The following PPP1R3A variants were observed in gnomAD, a reference collection of about 807,000 sequenced individuals.
PPP1R3A encodes the protein RG1.
A neutral mutation model predicts 41.7 loss-of-function variants in PPP1R3A; 29 were observed. That is an observed-to-expected ratio of 0.70 (90% CI 0.52 to 0.95). The LOEUF is 0.95. PPP1R3A is among the 40% of genes least tolerant of loss of function. The pLI, the probability that PPP1R3A is intolerant of heterozygous loss-of-function variation, is 0.00. For synonymous variants in PPP1R3A, 485 were observed against 453.4 expected, an observed-to-expected ratio of 1.07 and a Z score of -0.89; for missense variants, 1,352 against 1,292.4, an observed-to-expected ratio of 1.05 and a Z score of -0.71.
At chr7:113,892,152 C>A (rs1310777291) in intron 1 of PPP1R3A, among the ~76,000 whole-genome samples, 1 of 151,970 alleles carries the variant, frequency 6.6e-6, no homozygotes, top group Admixed American at 6.6e-5. Context: ...AAGTTCAGAC[C>A]AGCCCTCTTT....
chr7:113,888,031 G>GA (rs1185175380), intron 1 of PPP1R3A, among the ~76,000 whole-genome samples: 254 of 140,306 alleles, frequency 1.8e-3, no homozygotes, highest in Middle Eastern at 0.015. Context: ...CTGTCTCAAG[G>GA]AAAAAAAAAA....
At chr7:113,917,643 ATATACT>A (rs1243327789) in intron 1 of PPP1R3A, among the ~76,000 whole-genome samples, 5 of 152,154 alleles carry the variant, frequency 3.3e-5, no homozygotes, top group East Asian at 1.9e-4. Context: ...TATATCACTG[ATATACT>A]TATGTCTTTC....
intron 1 of PPP1R3A, among the ~76,000 whole-genome samples, chr7:113,891,099 A>AC (rs1562920968): frequency 1.3e-5 from 2 of 148,620 alleles, no homozygotes; most frequent in South Asian, 2.1e-4. Flanking sequence ...AAAAAAAAAA[A>AC]AAAAAAAAAA....
chr7:113,914,426 A>C (rs755550376), intron 1 of PPP1R3A, among the ~76,000 whole-genome samples: 13 of 152,134 alleles, frequency 8.5e-5, no homozygotes, highest in Non-Finnish European at 1.5e-4. Context: ...AAATTTTAAC[A>C]TTCCTAAGTT....
intron 1 of PPP1R3A, among the ~76,000 whole-genome samples, chr7:113,914,002 A>T (rs889302206): frequency 6.6e-6 from 1 of 152,048 alleles, no homozygotes; most frequent in Non-Finnish European, 1.5e-5. Flanking sequence ...CCTGACATAC[A>T]GTTCTTTAGT....
chr7:113,901,396 G>A (rs961577286), intron 1 of PPP1R3A, among the ~76,000 whole-genome samples: 1 of 151,670 alleles, frequency 6.6e-6, no homozygotes, highest in Non-Finnish European at 1.5e-5. Flanking sequence ...AAAAAAGCAG[G>A]TTGTAGTCCA....
chr7:113,880,479 G>T (rs1470664025), intron 3 of PPP1R3A, among the ~76,000 whole-genome samples: 1 of 151,868 alleles, frequency 6.6e-6, no homozygotes, highest in Non-Finnish European at 1.5e-5. Flanking sequence ...CAGCTTCCTG[G>T]GTGCCCCTTG....
intron 3 of PPP1R3A, 118 bp downstream of exon 3, chr7:113,881,921 C>T: frequency 8.6e-7 from 1 of 1,168,766 alleles, no homozygotes; most frequent in Non-Finnish European, 1.3e-6. Flanking sequence ...ACAGAATAGG[C>T]TGTGCTTTCA....
intron 1 of PPP1R3A, among the ~76,000 whole-genome samples, chr7:113,890,953 T>A (rs913803475): frequency 9.2e-5 from 14 of 151,662 alleles, no homozygotes; most frequent in Admixed American, 9.2e-4. Flanking sequence ...AAAAGAAAAC[T>A]AAAGCCCAGT....
At chr7:113,892,566 T>C (rs1321470266) in intron 1 of PPP1R3A, among the ~76,000 whole-genome samples, 1 of 152,076 alleles carries the variant, frequency 6.6e-6, no homozygotes, top group Admixed American at 6.6e-5. Context: ...TACTGGCTAG[T>C]CTTCTCTTGA....
Position 113,877,817 on chromosome 7 carries a change from TA to T in PPP1R3A, c.3274del (p.Tyr1092MetfsTer3). 1 of 1,608,500 alleles carries T rather than the reference TA, an allele frequency of 6.2e-7. No homozygotes were observed. The highest frequency in any genetic ancestry group is 8.5e-7 in the Non-Finnish European group (1 of 1,175,660). ...FLIFLITVYH[Y>X]DLMIGLTFYV... ...GAATGTCAAGCCAATCATTAAGTCA[TA>T]ATGGTAGACAGTTATAAGAAATATC... On this transcript the variant is annotated frameshift_variant, in exon 4 of 4. Coordinates refer to ENST00000284601, the MANE Select transcript of PPP1R3A (RefSeq NM_002711.4). LOFTEE classifies it high-confidence loss of function.
chr7:113,892,903 G>T (rs1455977233), intron 1 of PPP1R3A, among the ~76,000 whole-genome samples: 1 of 151,956 alleles, frequency 6.6e-6, no homozygotes, highest in Non-Finnish European at 1.5e-5. Context: ...GTTTTGTTTT[G>T]GTTTTGACCG....
chr7:113,883,076 A>G (rs879554312), intron 1 of PPP1R3A, among the ~76,000 whole-genome samples: 1 of 152,040 alleles, frequency 6.6e-6, no homozygotes. Context: ...TTCAAATGTA[A>G]TCTATTTGTA....
At chr7:113,917,091 T>A (rs1411711784) in intron 1 of PPP1R3A, among the ~76,000 whole-genome samples, 1 of 152,074 alleles carries the variant, frequency 6.6e-6, no homozygotes, top group Non-Finnish European at 1.5e-5. Context: ...TTTAAAAAAA[T>A]TTCCCAATAT....
In PPP1R3A at chr7:113,880,125, T is replaced by C. The variant is rs767962195; in HGVS notation, c.967A>G (p.Ile323Val). 30 of 1,585,076 alleles carry C rather than the reference T, an allele frequency of 1.9e-5. No homozygotes were observed. The highest frequency in any genetic ancestry group is 2.2e-5 in the East Asian group (1 of 44,630). The change falls in exon 4 of 4, where the codon ATA (isoleucine) becomes GTA (valine). Residue 323 changes from isoleucine to valine, a missense_variant and splice_region_variant. Physicochemically the swap from Ile to Val is conservative, Grantham distance 29. Coordinates refer to ENST00000284601, the MANE Select transcript of PPP1R3A (RefSeq NM_002711.4). ...CTGGTTCTTATTAAGTGTTGATTTA[T>C]CTTATGGGATAAAAACAACAAAGAA... ...EHNEKELELM[I>V]NQHLIRTRST...
intron 1 of PPP1R3A, among the ~76,000 whole-genome samples, chr7:113,886,631 G>C (rs1402823750): frequency 6.6e-6 from 1 of 152,100 alleles, no homozygotes; most frequent in African/African-American, 2.4e-5. Context: ...GTTTTGGGTG[G>C]TTGTTTTGCA....
chr7:113,903,806 T>C (rs1416254706), intron 1 of PPP1R3A, among the ~76,000 whole-genome samples: 1 of 151,730 alleles, frequency 6.6e-6, no homozygotes, highest in African/African-American at 2.4e-5. Flanking sequence ...CTTTTCAAGA[T>C]TGACTCCCAC....
In PPP1R3A at chr7:113,877,349, A is replaced by AAT. The variant is rs140457076; in HGVS notation, c.*372_*373dup. 0.059 allele frequency: 9,542 copies of AAT among 162,532 alleles called. 379 individuals carry two copies. The highest frequency in any genetic ancestry group is 0.093 in the Non-Finnish European group (7,013 of 75,280). 10.1% of individuals were successfully genotyped at this position (162,532 alleles called of 1,614,324 possible). On this transcript the variant is annotated 3_prime_UTR_variant, in exon 4 of 4. Transcript: ENST00000284601. ...TCTGTTTTTTAAAACCGTAGGGGAA[A>AAT]ATATATACTCTCAAGGGGAAAAAAA...
At chr7:113,905,813 G>C (rs1479751332) in intron 1 of PPP1R3A, among the ~76,000 whole-genome samples, 1 of 151,780 alleles carries the variant, frequency 6.6e-6, no homozygotes, top group Non-Finnish European at 1.5e-5. Context: ...GCACTAATAT[G>C]AGCAGTGGCC....
Sources: gnomAD v4.1 joint callset for allele counts (sites outside exome capture counted in the v4.1 genomes callset) on GRCh38, gnomAD v4.1.1 for gene constraint, MANE v1.5 for transcripts, NCBI Gene and HGNC (gene_info 2026-07-23, HGNC 2026-07-21) for gene names.